The following RGS7 variants were observed in gnomAD, a reference collection of about 807,000 sequenced individuals.
RGS7 encodes the protein regulator of G protein signaling 7.
In RGS7, 27 loss-of-function variants were observed where a neutral mutation model predicts 81.1. The ratio of observed to expected loss-of-function variants is 0.33; its 90% CI spans 0.25 to 0.46. The LOEUF is 0.46. RGS7 is among the 20% of genes least tolerant of loss of function. The pLI, the probability that RGS7 is intolerant of heterozygous loss-of-function variation, is 1.00. For synonymous variants in RGS7, 208 were observed against 207.7 expected, an observed-to-expected ratio of 1.00 and a Z score of -0.01; for missense variants, 396 against 607.4, an observed-to-expected ratio of 0.65 and a Z score of 3.66.
At chr1:240,920,349 G>A (rs1233211322) in intron 6 of RGS7, 8 of 1,535,040 alleles carry the variant, frequency 5.2e-6, no homozygotes, top group Admixed American at 1.7e-5. Flanking sequence ...CAGCTGTTGT[G>A]GTGGTGGATA....
rs138803494 is a variant in RGS7 at position 241,100,920 on chromosome 1, G to C, written c.79-2158C>G. ...CTCTGCCCCCTAATTTACTCCAGGG[G>C]AGCTGAGCTGACTTATCAGACAGAA... On this transcript the variant is annotated intron_variant, in intron 2 of 18. Transcript: ENST00000440928. 1.3e-3 allele frequency among the ~76,000 whole-genome samples: 199 copies of C among 152,278 alleles called. 1 individual carries two copies. The highest frequency in any genetic ancestry group is 4.5e-3 in the African/African-American group (186 of 41,544).
intron 2 of RGS7, among the ~76,000 whole-genome samples, chr1:241,297,575 A>G (rs887928160): frequency 2.6e-5 from 4 of 152,350 alleles, no homozygotes; most frequent in Non-Finnish European, 4.4e-5. Flanking sequence ...CCATGTCACC[A>G]GCGGATCGGC....
chr1:241,089,063 C>CTCTCTCTCTCTCTCTATATATATA (rs1374552672), intron 3 of RGS7, among the ~76,000 whole-genome samples: 2 of 23,686 alleles, frequency 8.4e-5, no homozygotes, highest in African/African-American at 2.3e-4. Flanking sequence ...CTCTCTCTCT[C>CTCTCTCTCTCTCTCTATATATATA]TATATATATA....
chr1:241,308,711 T>C lies in RGS7; in HGVS notation c.78+46988A>G, dbSNP rs190835549. On this transcript the variant is annotated intron_variant, in intron 2 of 18. Coordinates refer to ENST00000440928, the MANE Select transcript of RGS7 (RefSeq NM_001364886.1). ...CTCTCCAGGCCTGTTCATTGATTCATGCTGCAAGTACTTACAGTGAGTCTA... is the reference window on the plus strand; with the variant it reads ...CTCTCCAGGCCTGTTCATTGATTCACGCTGCAAGTACTTACAGTGAGTCTA... 1.4e-3 allele frequency among the ~76,000 whole-genome samples: 217 copies of C among 152,304 alleles called. 1 individual carries two copies. In the South Asian group the frequency reaches 0.015, roughly 10 times the overall value.
rs908136473 is a variant in RGS7 at position 241,271,623 on chromosome 1, C to G, written c.78+84076G>C. Reference sequence around the variant, plus strand: ...ATGGTGGACTGAGTAAAGCAGACTGCCCATCCCACTGTGGGTGTGGCTTAT... The same window carrying G: ...ATGGTGGACTGAGTAAAGCAGACTGGCCATCCCACTGTGGGTGTGGCTTAT... On this transcript the variant is annotated intron_variant, in intron 2 of 18. Coordinates refer to ENST00000440928, the MANE Select transcript of RGS7 (RefSeq NM_001364886.1). This position sits in a 1 kb window ranked among gnomAD's most constrained non-coding sequence, Gnocchi z 4.6. Among the ~76,000 whole-genome samples, 1 of 152,182 alleles carries G rather than the reference C, an allele frequency of 6.6e-6. No homozygotes were observed. The highest frequency in any genetic ancestry group is 2.4e-5 in the African/African-American group (1 of 41,440).
intron 9 of RGS7, among the ~76,000 whole-genome samples, chr1:240,848,834 CAATT>C (rs1419114950): frequency 6.6e-6 from 1 of 152,030 alleles, no homozygotes; most frequent in Non-Finnish European, 1.5e-5. Context: ...TGGTGCTAGA[CAATT>C]GATTCCAAAG....
chr1:241,309,413 A>G (rs2080374393), intron 2 of RGS7, among the ~76,000 whole-genome samples: 3 of 151,808 alleles, frequency 2.0e-5, no homozygotes, highest in South Asian at 2.1e-4. Context: ...AAGGAAAAAG[A>G]AAAAGAAAAT....
intron 2 of RGS7, among the ~76,000 whole-genome samples, chr1:241,308,694 G>C (rs2080319514): frequency 6.6e-6 from 1 of 152,108 alleles, no homozygotes; most frequent in Non-Finnish European, 1.5e-5. Flanking sequence ...CGCTCTCCAG[G>C]CCTGTTCATT....
intron 4 of RGS7, among the ~76,000 whole-genome samples, chr1:240,972,313 T>C (rs1255461585): frequency 6.6e-6 from 1 of 150,956 alleles, no homozygotes; most frequent in Non-Finnish European, 1.5e-5. Flanking sequence ...CCAACAATGA[T>C]AGACTGGATT....
chr1:241,075,973 G>A (rs1461839577), intron 3 of RGS7, among the ~76,000 whole-genome samples: 1 of 152,112 alleles, frequency 6.6e-6, no homozygotes, highest in East Asian at 1.9e-4. Flanking sequence ...GTTGGCTCTT[G>A]GAGTGATACA....
chr1:241,278,479 G>A (rs11587158), intron 2 of RGS7, among the ~76,000 whole-genome samples: 18,758 of 152,184 alleles, frequency 0.12, 1,299 homozygotes, highest in Middle Eastern at 0.17. Flanking sequence ...CACGAAGTGA[G>A]TTGTTTCAGG....
intron 2 of RGS7, among the ~76,000 whole-genome samples, chr1:241,129,745 G>C (rs1255509328): frequency 2.0e-5 from 3 of 152,072 alleles, no homozygotes; most frequent in East Asian, 3.9e-4. Flanking sequence ...TAGGTATAGG[G>C]TGGGGCCCAC....
At chr1:240,920,086 G>A in intron 6 of RGS7, 2 of 943,428 alleles carry the variant, frequency 2.1e-6, no homozygotes, top group Non-Finnish European at 3.4e-6. Context: ...GGCAAGAAAA[G>A]AGGCTTTGCC....
At chr1:241,290,934 C>A (rs1297435949) in intron 2 of RGS7, among the ~76,000 whole-genome samples, 1 of 152,168 alleles carries the variant, frequency 6.6e-6, no homozygotes, top group Non-Finnish European at 1.5e-5. Flanking sequence ...AACCATGATA[C>A]AATGGCAGCA....
intron 9 of RGS7, among the ~76,000 whole-genome samples, chr1:240,854,494 C>CA (rs1558357695): frequency 6.6e-6 from 1 of 152,162 alleles, no homozygotes; most frequent in African/African-American, 2.4e-5. Flanking sequence ...TCTCCTAATG[C>CA]AAAGCACTGA....
chr1:241,305,053 T>C (rs368678619), intron 2 of RGS7, among the ~76,000 whole-genome samples: 1 of 152,244 alleles, frequency 6.6e-6, no homozygotes, highest in East Asian at 1.9e-4. Flanking sequence ...TTTCAGACCA[T>C]CTGTTTTTAA....
intron 3 of RGS7, among the ~76,000 whole-genome samples, chr1:241,064,470 C>A (rs185540837): frequency 9.3e-5 from 14 of 151,334 alleles, no homozygotes; most frequent in Non-Finnish European, 1.5e-4. Flanking sequence ...CACCTGCAGT[C>A]CCAGCTACAC....
At chr1:240,936,462 T>A in intron 5 of RGS7, 138 bp downstream of exon 5, 1 of 686,568 alleles carries the variant, frequency 1.5e-6, no homozygotes, top group Admixed American at 2.3e-5. Flanking sequence ...TTTAGTTTAA[T>A]GTTAATCAGT....
Position 241,093,625 on chromosome 1 carries a change from GA to G in RGS7, c.175+5040del, listed in dbSNP as rs34695476. On this transcript the variant is annotated intron_variant, in intron 3 of 18. Coordinates refer to ENST00000440928, the MANE Select transcript of RGS7 (RefSeq NM_001364886.1). ...CCTGAGCTTAATATTTAATCTAGGG[GA>G]AAAAATAAATAAAATAAAGTAAAAT... 2.6e-5 allele frequency among the ~76,000 whole-genome samples: 4 copies of G among 151,848 alleles called. No homozygotes were observed. In the South Asian group the frequency reaches 6.2e-4, roughly 24 times the overall value.
Sources: gnomAD v4.1 joint callset for allele counts (sites outside exome capture counted in the v4.1 genomes callset) on GRCh38, gnomAD v4.1.1 for gene constraint, Gnocchi (gnomAD v3.1) non-coding constraint, MANE v1.5 for transcripts, NCBI Gene and HGNC (gene_info 2026-07-23, HGNC 2026-07-21) for gene names.